Variants in GCSAML observed in about 807,000 individuals in gnomAD.
GCSAML encodes germinal center-associated signaling and motility-like protein.
A neutral mutation model predicts 13.0 loss-of-function variants in GCSAML; 9 were observed. The observed-to-expected ratio is 0.69, with a 90% CI of 0.42 to 1.21. The LOEUF is 1.21. Among genes scored for constraint, GCSAML ranks in the 50% most tolerant of loss-of-function variants. The pLI, the probability that GCSAML is intolerant of heterozygous loss-of-function variation, is 0.00. For missense variants in GCSAML, 143 were observed against 153.4 expected (o/e 0.93, Z 0.36); for synonymous variants, 37 against 52.9 (o/e 0.70, Z 1.31).
At chr1:247,516,871 T>G (rs1361069208) in intron 1 of GCSAML, among the ~76,000 whole-genome samples, 1 of 152,238 alleles carries the variant, frequency 6.6e-6, no homozygotes, top group African/African-American at 2.4e-5. Flanking sequence ...GTTAATTTCT[T>G]AATTATAGGC....
At chr1:247,507,732 C>T (rs1665879523) in intron 1 of GCSAML, among the ~76,000 whole-genome samples, 1 of 151,996 alleles carries the variant, frequency 6.6e-6, no homozygotes, top group South Asian at 2.1e-4. Context: ...TCCATGTGTT[C>T]TCAACGTTCA....
chr1:247,564,853 T>C (rs1338696903), intron 3 of GCSAML, among the ~76,000 whole-genome samples: 1 of 152,092 alleles, frequency 6.6e-6, no homozygotes, highest in African/African-American at 2.4e-5. Context: ...TTACGCCATA[T>C]ACAAAAATTA....
At chr1:247,532,205 A>G (rs373968737) in intron 2 of GCSAML, 5 of 1,614,228 alleles carry the variant, frequency 3.1e-6, no homozygotes, top group South Asian at 1.1e-5. Context: ...TGGGAGATAT[A>G]GAACTGGACC....
upstream of GCSAML, among the ~76,000 whole-genome samples, chr1:247,546,508 G>A (rs541442896): frequency 2.4e-4 from 36 of 152,014 alleles, no homozygotes; most frequent in East Asian, 5.9e-4. Flanking sequence ...ACAGGTGCCC[G>A]CCACCACGCC....
intron 1 of GCSAML, among the ~76,000 whole-genome samples, chr1:247,513,366 C>T (rs1666106998): frequency 6.6e-6 from 1 of 152,206 alleles, no homozygotes; most frequent in Non-Finnish European, 1.5e-5. Context: ...CCCCACCAAG[C>T]CTGAGTGACC....
intron 1 of GCSAML, 92 bp downstream of exon 1, chr1:247,549,312 T>C (rs1667689715): frequency 2.7e-6 from 3 of 1,121,596 alleles, no homozygotes; most frequent in Non-Finnish European, 3.9e-6. Flanking sequence ...GTGAGGTACA[T>C]TGTGCTTCTA....
At chr1:247,573,868 G>A (rs1291645859) in intron 4 of GCSAML, among the ~76,000 whole-genome samples, 2 of 152,096 alleles carry the variant, frequency 1.3e-5, no homozygotes, top group African/African-American at 4.8e-5. Flanking sequence ...ATTTCCTTGA[G>A]CAGTGGTTTT....
At chr1:247,519,006 G>A (rs1211643604) in intron 1 of GCSAML, among the ~76,000 whole-genome samples, 3 of 152,104 alleles carry the variant, frequency 2.0e-5, no homozygotes, top group East Asian at 3.9e-4. Flanking sequence ...AGAAAAAAGC[G>A]CCGAGATTGT....
chr1:247,520,946 G>A (rs936615961), intron 1 of GCSAML, among the ~76,000 whole-genome samples: 1 of 152,144 alleles, frequency 6.6e-6, no homozygotes, highest in Non-Finnish European at 1.5e-5. Context: ...TCACTGCTCT[G>A]TCTTATAGTT....
chr1:247,539,576 A>T (rs1210154373), intron 2 of GCSAML, among the ~76,000 whole-genome samples: 1 of 152,152 alleles, frequency 6.6e-6, no homozygotes, highest in Non-Finnish European at 1.5e-5. Flanking sequence ...TCTTAAAATA[A>T]ACTAGAAACA....
intron 4 of GCSAML, among the ~76,000 whole-genome samples, chr1:247,571,103 T>A (rs1193325087): frequency 6.6e-6 from 1 of 152,216 alleles, no homozygotes; most frequent in Non-Finnish European, 1.5e-5. Context: ...TCTCTGCATG[T>A]GAGATGGGTC....
At chr1:247,543,140 G>A (rs376744441) in intron 2 of GCSAML, among the ~76,000 whole-genome samples, 9 of 152,190 alleles carry the variant, frequency 5.9e-5, no homozygotes, top group Non-Finnish European at 8.8e-5. Flanking sequence ...AATGCCCATC[G>A]TTTGGATATA....
chr1:247,554,157 T>C (rs1001268641), intron 1 of GCSAML, among the ~76,000 whole-genome samples: 2 of 152,214 alleles, frequency 1.3e-5, no homozygotes, highest in Non-Finnish European at 2.9e-5. Flanking sequence ...ATTTGTCACT[T>C]GAAGTTTGGT....
At position 247,527,293 on chromosome 1, in the gene GCSAML, C is replaced by A; in HGVS notation, c.-148+239C>A. 3.3e-6 allele frequency: 1 copy of A among 307,472 alleles called. No individual in the cohort carries two copies. Among genetic ancestry groups the A allele is most frequent in the Non-Finnish European group, 6.4e-6 (1 of 156,092 alleles). The allele number at this position is 307,472 out of a possible 1,614,324, so 19.0% of individuals were successfully genotyped here. On this transcript the variant is annotated intron_variant, in intron 2 of 5. Transcript: ENST00000366489. The surrounding 1 kb of genome is among the most constrained non-coding windows in gnomAD (Gnocchi z 4.6). Reference sequence around the variant, plus strand: ...GTTCTGGGAGGGTCTGCGTTGTCTGCTATCCCCACATAAACTGATGAGGAC... The same window carrying A: ...GTTCTGGGAGGGTCTGCGTTGTCTGATATCCCCACATAAACTGATGAGGAC...
rs1215627285 is a variant in GCSAML, at chr1:247,521,399, C to CCTCTCT, written c.-262-5540_-262-5535dup. Among the ~76,000 whole-genome samples the CCTCTCT allele has an allele frequency of 1.9e-4, 29 of 152,042 alleles. 1 individual carries two copies. The Middle Eastern group carries it at 0.01, about 53-fold the overall frequency. On this transcript the variant is annotated intron_variant, in intron 1 of 5. Coordinates refer to the GCSAML transcript ENST00000366489. The stretch of plus-strand genomic sequence containing the variant: ...TCTCCCTCTCCACGGTCTCCCTCTC[C>CCTCTCT]CTCTCTTTCCATGGTCTCCCTCTGA...
chr1:247,509,654 T>C (rs1321745705), intron 1 of GCSAML, among the ~76,000 whole-genome samples: 1 of 152,226 alleles, frequency 6.6e-6, no homozygotes, highest in Non-Finnish European at 1.5e-5. Context: ...TAAATAGCTC[T>C]TACTATTTTG....
At chr1:247,565,571 G>T in intron 3 of GCSAML, 1 of 187,560 alleles carries the variant, frequency 5.3e-6, no homozygotes, top group Non-Finnish European at 1.1e-5. Context: ...TCTTAAATTT[G>T]CAGCTATAAT....
chr1:247,518,238 G>T (rs2103306389), intron 1 of GCSAML, among the ~76,000 whole-genome samples: 1 of 152,360 alleles, frequency 6.6e-6, no homozygotes, highest in South Asian at 2.1e-4. Flanking sequence ...CGTACCTGGG[G>T]CGGTGCAGTC....
intron 2 of GCSAML, chr1:247,532,244 G>T (rs777675882): frequency 6.2e-7 from 1 of 1,614,212 alleles, no homozygotes; most frequent in South Asian, 1.1e-5. Flanking sequence ...ATGGTTTTCT[G>T]TGGTCCCCAG....
Sources: gnomAD v4.1 joint callset for allele counts (sites outside exome capture counted in the v4.1 genomes callset) on GRCh38, gnomAD v4.1.1 for gene constraint, Gnocchi (gnomAD v3.1) non-coding constraint, MANE v1.5 for transcripts, NCBI Gene and HGNC (gene_info 2026-07-23, HGNC 2026-07-21) for gene names.